The following CIP2A variants were observed in gnomAD, a reference collection of about 807,000 sequenced individuals.
CIP2A encodes cellular inhibitor of PP2A.
CIP2A carries 103 observed loss-of-function variants against 110.9 expected under a neutral mutation model. The ratio of observed to expected loss-of-function variants is 0.93; its 90% CI spans 0.79 to 1.09. CIP2A has a LOEUF of 1.09. CIP2A is among the 50% of genes least tolerant of loss of function. The pLI, the probability that CIP2A is intolerant of heterozygous loss-of-function variation, is 0.00. For synonymous variants in CIP2A, 381 were observed against 361.6 expected (o/e 1.05, Z -0.61); for missense variants, 1,088 against 1,038.4 (o/e 1.05, Z -0.66).
At chr3:108,562,080 A>T (rs893662768) in intron 13 of CIP2A, among the ~76,000 whole-genome samples, 9 of 152,172 alleles carry the variant, frequency 5.9e-5, no homozygotes, top group African/African-American at 1.9e-4. Context: ...CTGTTAAAAA[A>T]ATATTTATTA....
intron 8 of CIP2A, among the ~76,000 whole-genome samples, chr3:108,573,782 C>T (rs1938476406): frequency 6.6e-6 from 1 of 152,044 alleles, no homozygotes; most frequent in Non-Finnish European, 1.5e-5. Flanking sequence ...CTGTTTCAAC[C>T]TTTCTACCAT....
chr3:108,563,592 G>GA lies in CIP2A; in HGVS notation c.1516-349dup, dbSNP rs1220666198. Among the ~76,000 whole-genome samples, 13 of 151,388 alleles carry GA rather than the reference G, an allele frequency of 8.6e-5. No individual in the cohort carries two copies. In the South Asian group the frequency reaches 2.7e-3, roughly 32 times the overall value. On this transcript the variant is annotated intron_variant, in intron 12 of 20. Transcript: ENST00000295746. ...TTTTTTTCCAAGCTATCATTTAAAA[G>GA]AAAAAAATGGCCAATCACTTCCAAA...
chr3:108,561,656 G>A (rs1217872788), intron 13 of CIP2A, among the ~76,000 whole-genome samples: 6 of 152,116 alleles, frequency 3.9e-5, no homozygotes, highest in Non-Finnish European at 7.4e-5. Flanking sequence ...GTGATAGAGT[G>A]AGACCCTGTC....
chr3:108,566,928 T>C (rs756716323), intron 10 of CIP2A, among the ~76,000 whole-genome samples: 1 of 151,838 alleles, frequency 6.6e-6, no homozygotes, highest in Non-Finnish European at 1.5e-5. Context: ...TCAATAAATA[T>C]TTATTGAATA....
chr3:108,572,612 C>A (rs1938437327), intron 8 of CIP2A, among the ~76,000 whole-genome samples: 1 of 151,932 alleles, frequency 6.6e-6, no homozygotes, highest in South Asian at 2.1e-4. Context: ...CAGTTAATAG[C>A]ATCATTTAAA....
chr3:108,588,067 T>TTTCA (rs1939134886), intron 1 of CIP2A, among the ~76,000 whole-genome samples: 1 of 152,196 alleles, frequency 6.6e-6, no homozygotes, highest in Non-Finnish European at 1.5e-5. Context: ...TGTAAGCCCC[T>TTTCA]GTGCCTTAAA....
chr3:108,584,849 C>A, intron 2 of CIP2A: 1 of 388,890 alleles, frequency 2.6e-6, no homozygotes, highest in Non-Finnish European at 4.5e-6. Flanking sequence ...AGTACTTTTA[C>A]CCTTTAGTTC....
chr3:108,566,264 C>T (rs1040419717), intron 11 of CIP2A, among the ~76,000 whole-genome samples: 8 of 151,628 alleles, frequency 5.3e-5, no homozygotes, highest in Non-Finnish European at 1.0e-4. Flanking sequence ...TAAGTTAAAA[C>T]AAGACAAAAC....
intron 3 of CIP2A, among the ~76,000 whole-genome samples, chr3:108,582,635 G>A (rs1938919473): frequency 6.6e-6 from 1 of 152,096 alleles, no homozygotes; most frequent in African/African-American, 2.4e-5. Context: ...AATTTTTGTA[G>A]AACGTTTCCT....
chr3:108,561,573 T>A (rs1043023724), intron 13 of CIP2A, among the ~76,000 whole-genome samples: 1 of 151,858 alleles, frequency 6.6e-6, no homozygotes, highest in Non-Finnish European at 1.5e-5. Flanking sequence ...GGGGGTTGAG[T>A]TGGGAATATC....
chr3:108,582,638 C>T (rs1283674951), intron 3 of CIP2A, among the ~76,000 whole-genome samples: 1 of 152,136 alleles, frequency 6.6e-6, no homozygotes. Context: ...TTTTGTAGAA[C>T]GTTTCCTCCA....
In CIP2A at chr3:108,553,638, A is replaced by G. The variant is rs761504119; in HGVS notation, c.2407+10T>C. ...AAAATAGAAAATGTATTAAATAAGA[A>G]GCCACTTACTTGCTAGCTTATGTTC... is the stretch of plus-strand genomic sequence containing the variant. On this transcript the variant is annotated intron_variant, in intron 19 of 20. Transcript: ENST00000295746. The G allele has an allele frequency of 6.4e-7, 1 of 1,552,948 alleles. No individual in the cohort carries two copies. Among genetic ancestry groups the G allele is most frequent in the Admixed American group, 1.7e-5 (1 of 57,156 alleles).
At chr3:108,572,466 T>C (rs1348288983) in intron 8 of CIP2A, among the ~76,000 whole-genome samples, 1 of 152,072 alleles carries the variant, frequency 6.6e-6, no homozygotes, top group Non-Finnish European at 1.5e-5. Flanking sequence ...TTTAAGACTC[T>C]ACTGTTGTCA....
chr3:108,562,976 T>C (rs1297562204), intron 13 of CIP2A, 150 bp downstream of exon 13: 2 of 642,738 alleles, frequency 3.1e-6, no homozygotes, highest in Admixed American at 4.7e-5. Context: ...TTTATAAGAA[T>C]CAAACATTTT....
intron 12 of CIP2A, among the ~76,000 whole-genome samples, chr3:108,563,678 C>A (rs533255020): frequency 6.6e-6 from 1 of 151,878 alleles, no homozygotes; most frequent in South Asian, 2.1e-4. Flanking sequence ...ATTTAAAGAT[C>A]GAAAAAATAC....
chr3:108,587,770 T>G (rs747994842), intron 1 of CIP2A, among the ~76,000 whole-genome samples: 1 of 152,122 alleles, frequency 6.6e-6, no homozygotes, highest in Non-Finnish European at 1.5e-5. Flanking sequence ...CATATTTTGT[T>G]TAAGTCTCTC....
At chr3:108,552,625 C>T (rs1481243537) in intron 19 of CIP2A, among the ~76,000 whole-genome samples, 4 of 152,126 alleles carry the variant, frequency 2.6e-5, no homozygotes. Flanking sequence ...AGAGCTACAA[C>T]TATGAAAAAT....
chr3:108,574,992 C>T (rs1938521079), intron 8 of CIP2A: 1 of 152,328 alleles, frequency 6.6e-6, no homozygotes, highest in Non-Finnish European at 1.5e-5. Context: ...AGTGGCTCAT[C>T]CCAGATGGTT....
intron 11 of CIP2A, among the ~76,000 whole-genome samples, 168 bp downstream of exon 11, chr3:108,566,329 A>G (rs982078588): frequency 5.3e-5 from 8 of 151,816 alleles, no homozygotes; most frequent in Non-Finnish European, 1.2e-4. Flanking sequence ...AAAAGCACAC[A>G]ATCTACAAAT....
Sources: allele counts gnomAD v4.1 joint callset (sites outside exome capture counted in the v4.1 genomes callset), GRCh38; gene constraint gnomAD v4.1.1; transcripts MANE v1.5; gene names NCBI Gene and HGNC (gene_info 2026-07-23, HGNC 2026-07-21).